Variants in RAB38 observed in about 807,000 individuals in gnomAD.
RAB38 encodes ras-related protein Rab-38.
Under a neutral mutation model 18.4 loss-of-function variants are expected in RAB38, and 15 were observed. The ratio of observed to expected loss-of-function variants is 0.82; its 90% confidence interval spans 0.55 to 1.26. RAB38 has a LOEUF of 1.26. Ranked by LOEUF, RAB38 falls within the 50% of genes most tolerant of loss-of-function variation. The pLI, the probability that RAB38 is intolerant of heterozygous loss-of-function variation, is 0.00. For missense variants in RAB38, 294 were observed against 267.4 expected, an observed-to-expected ratio of 1.10 and a Z score of -0.69; for synonymous variants, 101 against 104.4, an observed-to-expected ratio of 0.97 and a Z score of 0.20.
chr11:88,058,905 AG>A, the RAB38 span, among the ~76,000 whole-genome samples: 1 of 152,190 alleles, frequency 6.6e-6, no homozygotes, highest in Non-Finnish European at 1.5e-5. Flanking sequence ...ACTCACCTGC[AG>A]ATTTATAGGA....
At chr11:87,880,318 C>T in the RAB38 span, among the ~76,000 whole-genome samples, 1 of 151,664 alleles carries the variant, frequency 6.6e-6, no homozygotes, top group Non-Finnish European at 1.5e-5. Context: ...TAATGTATAT[C>T]CCTTCGAGTC....
the RAB38 span, among the ~76,000 whole-genome samples, chr11:87,866,463 A>G: frequency 6.6e-6 from 1 of 151,660 alleles, no homozygotes; most frequent in East Asian, 2.0e-4. Context: ...AGTCAATCCT[A>G]CTTTGACTCT....
At chr11:87,898,660 A>T in the RAB38 span, among the ~76,000 whole-genome samples, 1 of 151,696 alleles carries the variant, frequency 6.6e-6, no homozygotes, top group East Asian at 2.0e-4. Context: ...TCCAAAAATG[A>T]ACATTGTCAG....
At chr11:87,861,776 A>G in the RAB38 span, among the ~76,000 whole-genome samples, 1 of 151,980 alleles carries the variant, frequency 6.6e-6, no homozygotes, top group South Asian at 2.1e-4. Flanking sequence ...CACCCAACTT[A>G]CATTCCTGAT....
the RAB38 span, among the ~76,000 whole-genome samples, chr11:87,919,921 T>A: frequency 6.6e-6 from 1 of 152,122 alleles, no homozygotes; most frequent in East Asian, 1.9e-4. Context: ...GATACTTTAA[T>A]AAAATTCACC....
chr11:88,009,736 C>G, the RAB38 span, among the ~76,000 whole-genome samples: 1 of 152,092 alleles, frequency 6.6e-6, no homozygotes, highest in Non-Finnish European at 1.5e-5. Context: ...TTTGTGGGTG[C>G]CACAGTGCCA....
the RAB38 span, among the ~76,000 whole-genome samples, chr11:87,894,458 C>G: frequency 2.6e-5 from 4 of 151,654 alleles, no homozygotes; most frequent in Middle Eastern, 3.4e-3. Flanking sequence ...GGAGCAGTTC[C>G]GACATACTTT....
At chr11:88,161,502 T>A (rs1174944500) in intron 1 of RAB38, among the ~76,000 whole-genome samples, 1 of 152,054 alleles carries the variant, frequency 6.6e-6, no homozygotes, top group Non-Finnish European at 1.5e-5. Context: ...TCTCTAACCA[T>A]GGCACTGAAA....
At chr11:87,804,493 A>G in the RAB38 span, among the ~76,000 whole-genome samples, 1 of 152,310 alleles carries the variant, frequency 6.6e-6, no homozygotes, top group South Asian at 2.1e-4. Flanking sequence ...GACATAGGAC[A>G]GGAAGATTTT....
the RAB38 span, among the ~76,000 whole-genome samples, chr11:87,821,067 T>C: frequency 6.6e-6 from 1 of 152,122 alleles, no homozygotes; most frequent in African/African-American, 2.4e-5. Context: ...AGAAGCAATA[T>C]TGGAATGAGT....
At chr11:87,973,132 A>C in the RAB38 span, among the ~76,000 whole-genome samples, 1 of 151,988 alleles carries the variant, frequency 6.6e-6, no homozygotes, top group Admixed American at 6.6e-5. Flanking sequence ...ACCCAGTCTC[A>C]GGTATTTCTT....
chr11:87,926,728 G>C, the RAB38 span, among the ~76,000 whole-genome samples: 1 of 152,048 alleles, frequency 6.6e-6, no homozygotes, highest in Admixed American at 6.6e-5. Context: ...GGATGAGCAA[G>C]AGCAGACTTT....
intron 2 of RAB38, among the ~76,000 whole-genome samples, chr11:88,147,841 C>T (rs1381703798): frequency 2.0e-5 from 3 of 151,778 alleles, no homozygotes; most frequent in South Asian, 2.1e-4. Context: ...TGCAGTGAGC[C>T]GAGACCATGC....
chr11:88,012,525 A>G, the RAB38 span, among the ~76,000 whole-genome samples: 1 of 152,170 alleles, frequency 6.6e-6, no homozygotes, highest in East Asian at 1.9e-4. Context: ...CATACCTGGT[A>G]GCATATTTTT....
chr11:88,022,626 A>AAAAAAAC, the RAB38 span, among the ~76,000 whole-genome samples: 6 of 150,612 alleles, frequency 4.0e-5, no homozygotes, highest in South Asian at 4.2e-4. Context: ...AAAAAAAAAA[A>AAAAAAAC]AAAAAACAAC....
At chr11:88,020,406 A>T in the RAB38 span, among the ~76,000 whole-genome samples, 1 of 152,328 alleles carries the variant, frequency 6.6e-6, no homozygotes, top group South Asian at 2.1e-4. Context: ...ATGATATGAT[A>T]ATTATACATT....
the RAB38 span, among the ~76,000 whole-genome samples, chr11:88,063,133 G>C: frequency 6.6e-6 from 1 of 152,110 alleles, no homozygotes; most frequent in Non-Finnish European, 1.5e-5. Context: ...GGTGGGGGTA[G>C]CAAGAAAACA....
chr11:87,835,810 T>C, the RAB38 span, among the ~76,000 whole-genome samples: 1 of 152,172 alleles, frequency 6.6e-6, no homozygotes, highest in Non-Finnish European at 1.5e-5. Context: ...GGAAAATAAA[T>C]TTCTGCTGTT....
the RAB38 span, among the ~76,000 whole-genome samples, chr11:87,976,350 A>T: frequency 7.0e-6 from 1 of 142,976 alleles, no homozygotes; most frequent in African/African-American, 2.5e-5. Flanking sequence ...TATATATAAA[A>T]TATAAATATA....
Sources: gnomAD v4.1 joint callset for allele counts (sites outside exome capture counted in the v4.1 genomes callset) on GRCh38, gnomAD v4.1.1 for gene constraint, MANE v1.5 for transcripts, NCBI Gene and HGNC (gene_info 2026-07-23, HGNC 2026-07-21) for gene names.